The following MMP16 variants were observed in gnomAD, a reference collection of about 807,000 sequenced individuals.
MMP16 encodes matrix metallopeptidase 16.
MMP16 carries 12 observed loss-of-function variants against 67.8 expected under a neutral mutation model. The ratio of observed to expected loss-of-function variants is 0.18; its 90% CI spans 0.11 to 0.29. The LOEUF (loss-of-function observed/expected upper bound fraction) is 0.29, where lower values mean the gene tolerates loss of function less well. MMP16 is among the 10% of genes least tolerant of loss of function. The pLI is 1.00. For missense variants in MMP16, 475 were observed against 765.7 expected (o/e 0.62, Z 4.48); for synonymous variants, 249 against 255.9 (o/e 0.97, Z 0.26).
chr8:88,245,442 G>A (rs1177500452), intron 1 of MMP16, among the ~76,000 whole-genome samples: 2 of 152,178 alleles, frequency 1.3e-5, no homozygotes, highest in Admixed American at 6.5e-5. Context: ...TGACAGCTGA[G>A]CTAGGCGCTC....
Position 88,036,465 on chromosome 8 carries a change from C to T in MMP16, c.*4996G>A, listed in dbSNP as rs1181932985. ...ATTAGCTTTCATATTTGTTGCGTTG[C>T]TATTCCTGGTTGCCGCTTTATTTAT... On this transcript the variant is annotated 3_prime_UTR_variant, in exon 10 of 10. Transcript: ENST00000286614. 2 of 151,688 alleles carry T rather than the reference C, an allele frequency of 1.3e-5. No individual in the cohort carries two copies. The highest frequency in any genetic ancestry group is 2.9e-5 in the Non-Finnish European group (2 of 67,804). The allele number at this position is 151,688 out of a possible 1,614,324, so 9.4% of individuals were successfully genotyped here. A position where few individuals can be genotyped will look rare whatever the true frequency, so the allele number is the denominator to read the frequency against.
chr8:88,078,675 C>T (rs1304507131), intron 6 of MMP16, among the ~76,000 whole-genome samples: 2 of 151,896 alleles, frequency 1.3e-5, no homozygotes, highest in Admixed American at 6.6e-5. Context: ...AGAGAGACTC[C>T]GTCTCAGAAA....
intron 1 of MMP16, among the ~76,000 whole-genome samples, chr8:88,205,063 T>C (rs1232339696): frequency 6.6e-6 from 1 of 152,212 alleles, no homozygotes; most frequent in Non-Finnish European, 1.5e-5. Context: ...AAACAACTGC[T>C]AGCATGCCTT....
intron 1 of MMP16, among the ~76,000 whole-genome samples, chr8:88,217,489 C>T (rs993064039): frequency 6.6e-6 from 1 of 152,024 alleles, no homozygotes; most frequent in African/African-American, 2.4e-5. Flanking sequence ...AATATTAATC[C>T]ACCACAGGGT....
intron 1 of MMP16, among the ~76,000 whole-genome samples, chr8:88,275,972 G>A (rs1411157756): frequency 1.3e-5 from 2 of 152,038 alleles, no homozygotes; most frequent in South Asian, 2.1e-4. Context: ...CAAATAGTAG[G>A]ATTTTAAAGG....
intron 1 of MMP16, among the ~76,000 whole-genome samples, chr8:88,298,643 G>C (rs1563588260): frequency 1.3e-5 from 2 of 152,154 alleles, no homozygotes; most frequent in African/African-American, 4.8e-5. Context: ...CTTCCTCCTG[G>C]TGATTCATCT....
intron 4 of MMP16, among the ~76,000 whole-genome samples, chr8:88,166,772 A>G (rs1158042107): frequency 6.8e-6 from 1 of 147,312 alleles, no homozygotes; most frequent in Non-Finnish European, 1.5e-5. Flanking sequence ...GTTTGTTTAA[A>G]AAACAGACCC....
intron 1 of MMP16, among the ~76,000 whole-genome samples, chr8:88,231,571 T>C (rs1333243061): frequency 6.6e-6 from 1 of 152,168 alleles, no homozygotes; most frequent in African/African-American, 2.4e-5. Flanking sequence ...ATCTAAGCCA[T>C]GAAACTCTTT....
chr8:88,175,156 A>C (rs1808866971), intron 3 of MMP16, among the ~76,000 whole-genome samples: 2 of 152,092 alleles, frequency 1.3e-5, no homozygotes, highest in South Asian at 2.1e-4. Context: ...GGCCGAAAAA[A>C]CCAAAGAGAA....
chr8:88,225,580 C>T (rs907205794), intron 1 of MMP16, among the ~76,000 whole-genome samples: 2 of 151,898 alleles, frequency 1.3e-5, no homozygotes, highest in Admixed American at 1.3e-4. Context: ...TTCAGCCATA[C>T]ATCATGATCA....
intron 1 of MMP16, among the ~76,000 whole-genome samples, chr8:88,323,786 C>G (rs1463028938): frequency 7.5e-6 from 1 of 133,490 alleles, no homozygotes; most frequent in Admixed American, 7.5e-5. Flanking sequence ...CACAGCATAC[C>G]AAAAAAAAAA....
chr8:88,045,085 T>A (rs1329183597), intron 9 of MMP16, among the ~76,000 whole-genome samples: 3 of 152,182 alleles, frequency 2.0e-5, no homozygotes, highest in African/African-American at 7.2e-5. Context: ...GGTCTTTTAA[T>A]TTTCTGAGCC....
chr8:88,082,556 A>G (rs1421299086), intron 6 of MMP16, among the ~76,000 whole-genome samples: 1 of 152,160 alleles, frequency 6.6e-6, no homozygotes, highest in Non-Finnish European at 1.5e-5. Flanking sequence ...AATGTATTCT[A>G]TCTTCTGTGT....
intron 1 of MMP16, among the ~76,000 whole-genome samples, chr8:88,279,200 G>C (rs1810694249): frequency 6.9e-6 from 1 of 144,584 alleles, no homozygotes; most frequent in Non-Finnish European, 1.5e-5. Flanking sequence ...CCAGCCTGGT[G>C]ACACAGCAAG....
chr8:88,057,942 T>G (rs1198088191), intron 7 of MMP16, among the ~76,000 whole-genome samples: 1 of 151,832 alleles, frequency 6.6e-6, no homozygotes, highest in African/African-American at 2.4e-5. Flanking sequence ...ACTTCAGTAA[T>G]TGAAAAACTA....
At chr8:88,060,389 G>C (rs946632334) in intron 7 of MMP16, among the ~76,000 whole-genome samples, 1 of 151,980 alleles carries the variant, frequency 6.6e-6, no homozygotes, top group African/African-American at 2.4e-5. Context: ...ACAAAGTCAA[G>C]AAAGGGATTT....
intron 4 of MMP16, among the ~76,000 whole-genome samples, chr8:88,119,228 T>C (rs1807773971): frequency 6.6e-6 from 1 of 152,086 alleles, no homozygotes; most frequent in Admixed American, 6.6e-5. Context: ...ACATTTAATA[T>C]GATTCTAACA....
intron 1 of MMP16, among the ~76,000 whole-genome samples, chr8:88,218,987 C>A (rs1809636849): frequency 6.6e-6 from 1 of 152,112 alleles, no homozygotes; most frequent in African/African-American, 2.4e-5. Context: ...ACAAGGATCT[C>A]AGGGATTAGA....
Position 88,144,473 on chromosome 8 carries a change from T to C in MMP16, c.709+23196A>G, listed in dbSNP as rs190827063. On this transcript the variant is annotated intron_variant, in intron 4 of 9. Coordinates refer to ENST00000286614, the MANE Select transcript of MMP16 (RefSeq NM_005941.5). ...TATGTGTGTGTATGTATCTGGATAATGTATATTATGAAGGGAAAAAATAAT... is the reference window on the plus strand; with the variant it reads ...TATGTGTGTGTATGTATCTGGATAACGTATATTATGAAGGGAAAAAATAAT... Among the ~76,000 whole-genome samples, 119 of 151,940 alleles carry C rather than the reference T, an allele frequency of 7.8e-4. 1 individual carries two copies. The East Asian group carries it at 0.013, about 16-fold the overall frequency.
Sources: gnomAD v4.1 joint callset for allele counts (sites outside exome capture counted in the v4.1 genomes callset) on GRCh38, gnomAD v4.1.1 for gene constraint, MANE v1.5 for transcripts, NCBI Gene and HGNC (gene_info 2026-07-23, HGNC 2026-07-21) for gene names.